Variants in ATP2A2 observed in about 807,000 individuals in gnomAD.
ATP2A2 encodes sarcoplasmic/endoplasmic reticulum calcium ATPase 2.
In ATP2A2, 14 loss-of-function variants were observed where a neutral mutation model predicts 109.3. That is an observed-to-expected ratio of 0.13 (90% CI 0.08 to 0.20). The LOEUF (loss-of-function observed/expected upper bound fraction) is 0.20. Among genes scored for constraint, ATP2A2 ranks in the 10% least tolerant of loss-of-function variants. The pLI is 1.00. For synonymous variants in ATP2A2, 506 were observed against 490.9 expected (o/e 1.03, Z -0.41); for missense variants, 657 against 1,321.6 (o/e 0.50, Z 7.80).
At chr12:110,326,352 C>A in intron 6 of ATP2A2, 38 bp from the exon 7 acceptor site, 1 of 1,560,590 alleles carries the variant, frequency 6.4e-7, no homozygotes, top group South Asian at 1.1e-5. Context: ...TGGTGTGGGT[C>A]GCAGAGATCT....
At position 110,327,100 on chromosome 12, in the gene ATP2A2, G is replaced by A. The variant is rs534510632; in HGVS notation, c.631-453G>A. Among the ~76,000 whole-genome samples, 8 of 152,324 alleles carry A rather than the reference G, an allele frequency of 5.3e-5. No individual in the cohort carries two copies. Among genetic ancestry groups the A allele is most frequent in the African/African-American group, 1.2e-4 (5 of 41,566 alleles). On this transcript the variant is annotated intron_variant, in intron 7 of 19. Transcript: ENST00000539276. The surrounding 1 kb of genome is among the most constrained non-coding windows in gnomAD (Gnocchi z 4.4). ...CTAGGAATTAAAGTGGCATGGGAGA[G>A]ACTGCTCACATTTGATTTCTTTGGT...
chr12:110,291,123 G>A (rs1444110749), intron 3 of ATP2A2, among the ~76,000 whole-genome samples: 1 of 151,868 alleles, frequency 6.6e-6, no homozygotes, highest in Non-Finnish European at 1.5e-5. Flanking sequence ...GGTCAGGCTG[G>A]TCTCGAGCTC....
intron 5 of ATP2A2, among the ~76,000 whole-genome samples, chr12:110,301,228 C>T (rs561282556): frequency 2.9e-4 from 44 of 152,094 alleles, no homozygotes; most frequent in African/African-American, 8.2e-4. Context: ...ACCCCCAAAG[C>T]CTTTATCCTT....
chr12:110,343,532 C>T (rs1879559615), intron 16 of ATP2A2, 98 bp downstream of exon 16: 2 of 1,373,960 alleles, frequency 1.5e-6, no homozygotes, highest in Non-Finnish European at 2.0e-6. Flanking sequence ...TTTCTTCTAT[C>T]CCCGTATAGG....
chr12:110,327,452 GA>G lies in ATP2A2; in HGVS notation c.631-99del, dbSNP rs1013432873. 6.6e-6 allele frequency: 7 copies of G among 1,059,800 alleles called. No homozygotes were observed. Among genetic ancestry groups the G allele is most frequent in the Non-Finnish European group, 1.0e-5 (7 of 675,978 alleles). 65.6% of individuals were successfully genotyped at this position (1,059,800 alleles called of 1,614,324 possible). A position where few individuals can be genotyped will look rare whatever the true frequency, so the allele number is the denominator to read the frequency against. On this transcript the variant is annotated intron_variant, in intron 7 of 19. Coordinates refer to ENST00000539276, the MANE Select transcript of ATP2A2 (RefSeq NM_170665.4). This position sits in a 1 kb window ranked among gnomAD's most constrained non-coding sequence, Gnocchi z 4.4. ...ACAGTAGCCAGTGGAAGACCTAGTA[GA>G]ATGTGTAGAGAATCTGGGTGCCCTA...
intron 4 of ATP2A2, among the ~76,000 whole-genome samples, chr12:110,292,427 C>CAGCT (rs1407787915): frequency 1.3e-5 from 2 of 152,036 alleles, no homozygotes; most frequent in Non-Finnish European, 2.9e-5. Flanking sequence ...CCACCACGCC[C>CAGCT]AGCTCATTTT....
intron 11 of ATP2A2, among the ~76,000 whole-genome samples, chr12:110,335,259 G>A (rs960053726): frequency 6.6e-6 from 1 of 152,178 alleles, no homozygotes; most frequent in Non-Finnish European, 1.5e-5. Context: ...CTAGACCTCA[G>A]TAGAAACACT....
intron 5 of ATP2A2, among the ~76,000 whole-genome samples, chr12:110,300,098 C>T (rs1874410869): frequency 6.7e-6 from 1 of 149,520 alleles, no homozygotes; most frequent in African/African-American, 2.5e-5. Context: ...GTCTGTCCTT[C>T]CTTCCTTCCT....
Position 110,347,181 on chromosome 12 carries a change from C to T in ATP2A2, c.*711C>T. ...CAGATTCAATCGACTGGGTTTATGTCCCTTCACATAGTTTTTAAGGTTATT... is the reference window on the plus strand; with the variant it reads ...CAGATTCAATCGACTGGGTTTATGTTCCTTCACATAGTTTTTAAGGTTATT... On this transcript the variant is annotated 3_prime_UTR_variant, in exon 20 of 20. Transcript: ENST00000539276. 8.4e-7 allele frequency: 1 copy of T among 1,190,640 alleles called. No individual in the cohort carries two copies. Among genetic ancestry groups the T allele is most frequent in the South Asian group, 1.6e-5 (1 of 63,004 alleles). 73.8% of individuals were successfully genotyped at this position (1,190,640 alleles called of 1,614,324 possible). A position where few individuals can be genotyped will look rare whatever the true frequency, so the allele number is the denominator to read the frequency against.
Position 110,292,114 on chromosome 12 carries a change from G to A in ATP2A2, c.314G>A (p.Gly105Asp). Residue 105 changes from glycine to aspartate, a missense_variant, in exon 4 of 20, where the codon GGT (glycine) becomes GAT (aspartate). Around this residue, in one of 9 missense-constraint regions of ATP2A2, gnomAD observed 136 missense variants for 343.9 expected, o/e 0.40. Coordinates refer to ENST00000539276, the MANE Select transcript of ATP2A2 (RefSeq NM_170665.4). ...LLILVANAIV[G>D]VWQERNAENA... Reference sequence around the variant, plus strand: ...ATATTAGTAGCCAATGCAATTGTGGGTGTATGGCAGGTAAGCAAAAATTCC... The same window carrying A: ...ATATTAGTAGCCAATGCAATTGTGGATGTATGGCAGGTAAGCAAAAATTCC... The A allele has an allele frequency of 6.2e-7, 1 of 1,613,818 alleles. No homozygotes were observed. The highest frequency in any genetic ancestry group is 8.5e-7 in the Non-Finnish European group (1 of 1,179,730).
rs1190407018 is a variant in ATP2A2 at position 110,315,787 on chromosome 12, A to G, written c.464-7205A>G. Among the ~76,000 whole-genome samples the G allele has an allele frequency of 2.0e-5, 3 of 152,224 alleles. No individual in the cohort carries two copies. In the South Asian group the frequency reaches 6.2e-4, roughly 32 times the overall value. ...GAAACCCCATCTCTACTAAAAATAC[A>G]AAACTTAGCCGGCCGCATCGGCACA... On this transcript the variant is annotated intron_variant, in intron 5 of 19. Coordinates refer to ENST00000539276, the MANE Select transcript of ATP2A2 (RefSeq NM_170665.4).
At chr12:110,338,783 C>G (rs374929220) in intron 11 of ATP2A2, among the ~76,000 whole-genome samples, 2 of 152,192 alleles carry the variant, frequency 1.3e-5, no homozygotes, top group South Asian at 4.1e-4. Flanking sequence ...GCCAAATGCC[C>G]CATAATGACT....
intron 5 of ATP2A2, among the ~76,000 whole-genome samples, chr12:110,300,597 C>T: frequency 6.6e-6 from 1 of 151,528 alleles, no homozygotes; most frequent in Non-Finnish European, 1.5e-5. Context: ...GCCTCAGCCT[C>T]CCAAAGTGCT....
At chr12:110,304,875 C>T (rs1307555903) in intron 5 of ATP2A2, among the ~76,000 whole-genome samples, 5 of 152,084 alleles carry the variant, frequency 3.3e-5, no homozygotes, top group African/African-American at 9.7e-5. Context: ...ATCCAGGCGT[C>T]GTGGCTCATA....
chr12:110,297,581 ATC>A (rs1874104269), intron 5 of ATP2A2, among the ~76,000 whole-genome samples: 1 of 152,040 alleles, frequency 6.6e-6, no homozygotes, highest in African/African-American at 2.4e-5. Context: ...AAGGGTCAGT[ATC>A]CTCACTGCTG....
At chr12:110,302,244 C>T (rs1367495853) in intron 5 of ATP2A2, among the ~76,000 whole-genome samples, 3 of 152,164 alleles carry the variant, frequency 2.0e-5, no homozygotes, top group Non-Finnish European at 4.4e-5. Flanking sequence ...TCTTCCCTAA[C>T]TGAAATGTAC....
At chr12:110,289,705 AT>A (rs1386891242) in intron 3 of ATP2A2, among the ~76,000 whole-genome samples, 2 of 152,198 alleles carry the variant, frequency 1.3e-5, no homozygotes, top group African/African-American at 2.4e-5. Flanking sequence ...AGATTTTATT[AT>A]GAAATATGCA....
At chr12:110,316,319 C>G (rs1876662800) in intron 5 of ATP2A2, among the ~76,000 whole-genome samples, 1 of 152,098 alleles carries the variant, frequency 6.6e-6, no homozygotes, top group Admixed American at 6.5e-5. Flanking sequence ...TTCTTCCCAT[C>G]CCCCCATTCC....
At chr12:110,287,771 C>T (rs568441673) in intron 3 of ATP2A2, among the ~76,000 whole-genome samples, 209 of 151,870 alleles carry the variant, frequency 1.4e-3, no homozygotes, top group Non-Finnish European at 8.8e-4. Flanking sequence ...TGCACCACCA[C>T]GCCCGGGTAA....
Sources: allele counts gnomAD v4.1 joint callset (sites outside exome capture counted in the v4.1 genomes callset), GRCh38; gene constraint gnomAD v4.1.1; regional missense constraint gnomAD v4.1.1; non-coding constraint Gnocchi (gnomAD v3.1); transcripts MANE v1.5; gene names NCBI Gene and HGNC (gene_info 2026-07-23, HGNC 2026-07-21).